The following DPYD variants were observed in gnomAD, a reference collection of about 807,000 sequenced individuals.
The protein encoded by DPYD is dihydropyrimidine dehydrogenase [NADP(+)].
DPYD carries 109 observed loss-of-function variants against 116.2 expected under a neutral mutation model. That is an observed-to-expected ratio of 0.94 (90% CI 0.80 to 1.10). DPYD has a LOEUF of 1.10. DPYD is among the 50% of genes least tolerant of loss of function. The pLI is 0.00. For missense variants in DPYD, 1,302 were observed against 1,254.5 expected (o/e 1.04, Z -0.57); for synonymous variants, 440 against 432.0 (o/e 1.02, Z -0.23).
In DPYD at chr1:97,858,521, T is replaced by C. The variant is rs544595231; in HGVS notation, c.150+24743A>G. The stretch of plus-strand genomic sequence containing the variant: ...CTTCTACTTCCAGATATTATAAAGA[T>C]AGTACATCTGTTTTTCCTGTTTGAC... On this transcript the variant is annotated intron_variant, in intron 2 of 22. Transcript: ENST00000370192. Among the ~76,000 whole-genome samples the C allele has an allele frequency of 3.9e-5, 6 of 152,312 alleles. No homozygotes were observed. The East Asian group carries it at 9.6e-4, about 24-fold the overall frequency.
chr1:97,888,563 T>G lies in DPYD; in HGVS notation c.40-5189A>C, dbSNP rs145769687. The stretch of plus-strand genomic sequence containing the variant: ...GTGAAGTATGCTAAATGTAAAGAGA[T>G]CCACACAAAGAACATCAGTAAAAGG... On this transcript the variant is annotated intron_variant, in intron 1 of 22. Transcript: ENST00000370192. Among the ~76,000 whole-genome samples, 443 of 149,624 alleles carry G rather than the reference T, an allele frequency of 3.0e-3. 1 individual carries two copies. Among genetic ancestry groups the G allele is most frequent in the African/African-American group, 0.01 (418 of 40,830 alleles).
intron 3 of DPYD, among the ~76,000 whole-genome samples, chr1:97,754,991 G>A (rs1665149600): frequency 6.6e-6 from 1 of 152,176 alleles, no homozygotes; most frequent in Admixed American, 6.5e-5. Context: ...GACAGGCCAA[G>A]TAACACATGG....
At chr1:97,527,073 C>A (rs139317238) in intron 12 of DPYD, among the ~76,000 whole-genome samples, 3 of 151,698 alleles carry the variant, frequency 2.0e-5, no homozygotes, top group Non-Finnish European at 4.4e-5. Flanking sequence ...CTGCCCCCAA[C>A]CTTTTTTTTT....
intron 3 of DPYD, among the ~76,000 whole-genome samples, chr1:97,792,177 A>G (rs192404848): frequency 1.3e-5 from 2 of 152,306 alleles, no homozygotes; most frequent in Admixed American, 6.5e-5. Flanking sequence ...GTGCAGTAAG[A>G]AGACCTTAAT....
chr1:97,774,095 A>G (rs1308536182), intron 3 of DPYD, among the ~76,000 whole-genome samples: 2 of 152,090 alleles, frequency 1.3e-5, no homozygotes, highest in Non-Finnish European at 1.5e-5. Flanking sequence ...ACCTGCCCAT[A>G]TGCATGCTCC....
intron 8 of DPYD, among the ~76,000 whole-genome samples, chr1:97,639,450 A>G (rs953622986): frequency 4.6e-5 from 7 of 152,048 alleles, no homozygotes; most frequent in African/African-American, 1.7e-4. Context: ...TTGTGTGTGT[A>G]TTTTCAGTTG....
chr1:97,133,361 T>A (rs968091473), intron 20 of DPYD, among the ~76,000 whole-genome samples: 6 of 152,110 alleles, frequency 3.9e-5, no homozygotes, highest in Admixed American at 3.9e-4. Context: ...TTTATTCTAC[T>A]TTTTTTATTT....
intron 3 of DPYD, among the ~76,000 whole-genome samples, chr1:97,749,427 C>A (rs1001386270): frequency 3.3e-5 from 5 of 152,126 alleles, no homozygotes; most frequent in Non-Finnish European, 7.4e-5. Context: ...CAAAAGCAAA[C>A]CAACGATACT....
At position 97,736,729 on chromosome 1, in the gene DPYD, G is replaced by A. The variant is rs191541046; in HGVS notation, c.321+3663C>T. ...GGTCATCTGTAATGAAAACTGGCACGAGTTCAGAATTACTTATTTAAATCA... is the reference window on the plus strand; with the variant it reads ...GGTCATCTGTAATGAAAACTGGCACAAGTTCAGAATTACTTATTTAAATCA... On this transcript the variant is annotated intron_variant, in intron 4 of 22. Coordinates refer to ENST00000370192, the MANE Select transcript of DPYD (RefSeq NM_000110.4). Among the ~76,000 whole-genome samples, 641 of 152,086 alleles carry A rather than the reference G, an allele frequency of 4.2e-3. 2 individuals carry two copies. Among genetic ancestry groups the A allele is most frequent in the African/African-American group, 0.013 (548 of 41,488 alleles).
At chr1:97,799,010 G>C (rs1444427320) in intron 3 of DPYD, among the ~76,000 whole-genome samples, 1 of 151,782 alleles carries the variant, frequency 6.6e-6, no homozygotes, top group East Asian at 1.9e-4. Flanking sequence ...TATAAAAAGG[G>C]GTAGACATTA....
chr1:97,867,871 A>C (rs1671465532), intron 2 of DPYD, among the ~76,000 whole-genome samples: 1 of 151,848 alleles, frequency 6.6e-6, no homozygotes, highest in Non-Finnish European at 1.5e-5. Context: ...AGTCTTAGCC[A>C]GAGCAATTAG....
At chr1:97,098,245 T>C (rs1650407547) in intron 21 of DPYD, among the ~76,000 whole-genome samples, 1 of 152,130 alleles carries the variant, frequency 6.6e-6, no homozygotes. Context: ...ATACATTTAA[T>C]GTATATAAAA....
chr1:97,178,073 T>C lies in DPYD; in HGVS notation c.2622+14996A>G, dbSNP rs79001426. Among the ~76,000 whole-genome samples the C allele has an allele frequency of 0.021, 3,206 of 152,124 alleles. 216 individuals carry two copies. The East Asian group carries it at 0.24, about 12-fold the overall frequency. On this transcript the variant is annotated intron_variant, in intron 20 of 22. Coordinates refer to ENST00000370192, the MANE Select transcript of DPYD (RefSeq NM_000110.4). ...CAGTTAAGATTTTAACATATGAATT[T>C]TGAAGGGACACAAACATTCAGACCA...
At chr1:97,368,943 T>C (rs977377036) in intron 16 of DPYD, among the ~76,000 whole-genome samples, 5 of 152,164 alleles carry the variant, frequency 3.3e-5, no homozygotes, top group African/African-American at 1.2e-4. Context: ...TGCCACCTAT[T>C]GTTGGCAATA....
chr1:97,593,825 TA>T (rs1231577104), intron 9 of DPYD, among the ~76,000 whole-genome samples: 4 of 152,234 alleles, frequency 2.6e-5, no homozygotes, highest in African/African-American at 9.6e-5. Flanking sequence ...ATATAATTTC[TA>T]ACACATACCT....
rs1226893379 is a variant in DPYD at position 97,079,040 on chromosome 1, A to G, written c.3014T>C (p.Val1005Ala). The G allele has an allele frequency of 2.5e-6, 4 of 1,613,762 alleles. No individual in the cohort carries two copies. Among genetic ancestry groups the G allele is most frequent in the South Asian group, 1.1e-5 (1 of 91,076 alleles). The stretch of plus-strand genomic sequence containing the variant: ...TGGTTCATAAGGTGTTGTCCTGGAA[A>G]CCATTTTGATGCAGTCGACAATAGG... ...VCPIVDCIKM[V>A]SRTTPYEPKR... The change falls in exon 23 of 23, where the codon GTT (valine) becomes GCT (alanine). Residue 1005 changes from valine (V) to alanine (A), a missense_variant. By Grantham distance (64) the Val-to-Ala change is moderately conservative. Coordinates refer to ENST00000370192, the MANE Select transcript of DPYD (RefSeq NM_000110.4).
At chr1:97,875,919 T>C (rs1671890407) in intron 2 of DPYD, among the ~76,000 whole-genome samples, 1 of 152,016 alleles carries the variant, frequency 6.6e-6, no homozygotes, top group South Asian at 2.1e-4. Context: ...AAATTGTTTT[T>C]AAAATGTATG....
intron 16 of DPYD, among the ~76,000 whole-genome samples, chr1:97,315,359 G>C (rs1667765379): frequency 1.3e-5 from 2 of 151,744 alleles, no homozygotes; most frequent in Admixed American, 6.6e-5. Context: ...GGTGAATGTG[G>C]GACTCCTCTA....
chr1:97,335,012 G>T lies in DPYD; in HGVS notation c.2059-28715C>A, dbSNP rs533489203. ...CAGTGGGGAACAGACCCAAAGAGTA[G>T]GTTTTTAAAAAACGACAGAATGCCT... On this transcript the variant is annotated intron_variant, in intron 16 of 22. Coordinates refer to ENST00000370192, the MANE Select transcript of DPYD (RefSeq NM_000110.4). Among the ~76,000 whole-genome samples, 6 of 152,150 alleles carry T rather than the reference G, an allele frequency of 3.9e-5. No individual in the cohort carries two copies. In the East Asian group the frequency reaches 1.2e-3, roughly 29 times the overall value.
Sources: allele counts gnomAD v4.1 joint callset (sites outside exome capture counted in the v4.1 genomes callset), GRCh38; gene constraint gnomAD v4.1.1; transcripts MANE v1.5; gene names NCBI Gene and HGNC (gene_info 2026-07-23, HGNC 2026-07-21).